Variants in ARID1B observed in about 807,000 individuals in gnomAD.
ARID1B encodes AT-rich interaction domain 1B, also known as AT-rich interactive domain-containing protein 1B.
In ARID1B, 30 loss-of-function variants were observed where a neutral mutation model predicts 212.3. The ratio of observed to expected loss-of-function variants is 0.14; its 90% CI spans 0.11 to 0.19. The LOEUF (loss-of-function observed/expected upper bound fraction) is 0.19. Among genes scored for constraint, ARID1B ranks in the 10% least tolerant of loss-of-function variants. The probability of loss-of-function intolerance (pLI) is 1.00; values close to 1 mark genes in which losing one functional copy is unlikely to be tolerated. For synonymous variants in ARID1B, 1,402 were observed against 1,301.7 expected (o/e 1.08, Z -1.66); for missense variants, 2,891 against 3,204.0 (o/e 0.90, Z 2.36).
chr6:157,033,980 C>G (rs982622708), intron 4 of ARID1B, among the ~76,000 whole-genome samples: 3 of 152,088 alleles, frequency 2.0e-5, no homozygotes, highest in African/African-American at 7.3e-5. Flanking sequence ...TCAAATTTGT[C>G]TCTGTATTTG....
At chr6:156,834,703 G>T in intron 2 of ARID1B, among the ~76,000 whole-genome samples, 1 of 152,158 alleles carries the variant, frequency 6.6e-6, no homozygotes, top group Non-Finnish European at 1.5e-5. Flanking sequence ...GAGCTGATTT[G>T]CTTGTACACC....
At chr6:157,022,280 C>G (rs1780362574) in intron 4 of ARID1B, 1 of 152,258 alleles carries the variant, frequency 6.6e-6, no homozygotes, top group Non-Finnish European at 1.5e-5. Flanking sequence ...CACTTGGATT[C>G]TATTTGTGTA....
At chr6:156,969,726 G>C (rs1041116735) in intron 4 of ARID1B, among the ~76,000 whole-genome samples, 1 of 152,052 alleles carries the variant, frequency 6.6e-6, no homozygotes, top group South Asian at 2.1e-4. Context: ...AGCTTTATAT[G>C]GCCAGGGGAA....
intron 7 of ARID1B, among the ~76,000 whole-genome samples, chr6:157,135,078 T>C (rs1277716171): frequency 6.6e-6 from 1 of 152,044 alleles, no homozygotes; most frequent in Non-Finnish European, 1.5e-5. Context: ...AGGAAATTAC[T>C]ATAGAATGGA....
At chr6:156,893,045 C>CTTTTCTTTTTTTTTTTT (rs1554263985) in intron 2 of ARID1B, among the ~76,000 whole-genome samples, 4 of 85,922 alleles carry the variant, frequency 4.7e-5, no homozygotes, top group African/African-American at 1.9e-4. Flanking sequence ...TTTTTTCTTC[C>CTTTTCTTTTTTTTTTTT]TTTTTTTTTT....
chr6:156,779,086 G>C lies in ARID1B; in HGVS notation c.1406G>C (p.Gly469Ala). ...GGMMMGPGGG[G>A]AASLSKAAAG... ...ATGATGATGGGCCCCGGGGGCGGCGGGGCCGCGAGCCTCAGCAAGGCGGCC... is the reference window on the plus strand; with the variant it reads ...ATGATGATGGGCCCCGGGGGCGGCGCGGCCGCGAGCCTCAGCAAGGCGGCC... The change falls in exon 1 of 20, where the codon GGG (glycine) becomes GCG (alanine). Residue 469 changes from glycine (G) to alanine (A), a missense_variant. Physicochemically the swap from Gly to Ala is moderately conservative, Grantham distance 60 (BLOSUM62 0). This residue lies in a region of ARID1B where 1,643 missense variants were observed against 1,544.0 expected (regional missense o/e 1.06). Transcript: ENST00000636930. 8.2e-7 allele frequency: 1 copy of C among 1,226,100 alleles called. No individual in the cohort carries two copies. Among genetic ancestry groups the C allele is most frequent in the Non-Finnish European group, 1.0e-6 (1 of 985,478 alleles). The allele number at this position is 1,226,100 out of a possible 1,614,324, so 76.0% of individuals were successfully genotyped here.
intron 4 of ARID1B, among the ~76,000 whole-genome samples, chr6:157,069,036 C>A (rs1783853249): frequency 6.6e-6 from 1 of 152,150 alleles, no homozygotes; most frequent in African/African-American, 2.4e-5. Context: ...AAGGGTTTCT[C>A]TTCTGAGTGA....
At chr6:157,188,700 A>AT (rs1793149492) in intron 13 of ARID1B, among the ~76,000 whole-genome samples, 1 of 152,214 alleles carries the variant, frequency 6.6e-6, no homozygotes, top group Non-Finnish European at 1.5e-5. Flanking sequence ...CCACTGGTGT[A>AT]TGTGAGCATA....
At chr6:157,039,100 G>A (rs1321970903) in intron 4 of ARID1B, among the ~76,000 whole-genome samples, 3 of 151,788 alleles carry the variant, frequency 2.0e-5, no homozygotes, top group Non-Finnish European at 4.4e-5. Flanking sequence ...TGAACTCCTC[G>A]CCTCAAGTGA....
intron 2 of ARID1B, among the ~76,000 whole-genome samples, chr6:156,861,474 G>GGTGGCTAGCCT (rs1785328648): frequency 6.6e-6 from 1 of 152,138 alleles, no homozygotes; most frequent in South Asian, 2.1e-4. Context: ...AGCCAGGCAT[G>GGTGGCTAGCCT]GTGGTGCTAG....
In ARID1B at chr6:156,861,116, T is replaced by C. The variant is rs144280341; in HGVS notation, c.1986+31695T>C. Among the ~76,000 whole-genome samples the C allele has an allele frequency of 3.9e-3, 587 of 152,212 alleles. 2 individuals carry two copies. Among genetic ancestry groups the C allele is most frequent in the Non-Finnish European group, 6.3e-3 (425 of 67,996 alleles). On this transcript the variant is annotated intron_variant, in intron 2 of 19. Coordinates refer to ENST00000636930, the MANE Select transcript of ARID1B (RefSeq NM_001374828.1). ...GTATGAAAGGTAGACAGAGGAGCCT[T>C]TGCAGGAAGGATAGGTGACATTTGA...
At chr6:156,997,501 C>T (rs1778662350) in intron 4 of ARID1B, among the ~76,000 whole-genome samples, 2 of 152,226 alleles carry the variant, frequency 1.3e-5, no homozygotes, top group South Asian at 2.1e-4. Flanking sequence ...GATGTTTTCT[C>T]TTATTATCTT....
At chr6:157,202,018 G>A (rs997684728) in intron 18 of ARID1B, among the ~76,000 whole-genome samples, 1 of 152,214 alleles carries the variant, frequency 6.6e-6, no homozygotes, top group Admixed American at 6.5e-5. Context: ...GTAATTTGGT[G>A]ACAACATACA....
At position 156,778,644 on chromosome 6, in the gene ARID1B, C is replaced by T. The variant is rs1778878241; in HGVS notation, c.964C>T (p.Pro322Ser). 5 of 1,476,610 alleles carry T rather than the reference C, an allele frequency of 3.4e-6. No individual in the cohort carries two copies. In the East Asian group the frequency reaches 8.7e-5, roughly 26 times the overall value. The allele number at this position is 1,476,610 out of a possible 1,614,324, so 91.5% of individuals were successfully genotyped here. ...TAATAATTACTATGGCAGCGCTGCC[C>T]CTGCGAGCGGCGGCCCCGGCGGCCG... Reference protein sequence around the residue: ...EFNNYYGSAAPASGGPGGRAG... With the variant: ...EFNNYYGSAASASGGPGGRAG... Residue 322 changes from proline to serine, a missense_variant, in exon 1 of 20, where the codon CCT (proline) becomes TCT (serine). Pro to Ser is a moderately conservative substitution (Grantham distance 74). This residue lies in a region of ARID1B where 1,643 missense variants were observed against 1,544.0 expected (regional missense o/e 1.06). Coordinates refer to ENST00000636930, the MANE Select transcript of ARID1B (RefSeq NM_001374828.1).
At chr6:156,990,722 C>T (rs1778230101) in intron 4 of ARID1B, among the ~76,000 whole-genome samples, 1 of 152,238 alleles carries the variant, frequency 6.6e-6, no homozygotes. Flanking sequence ...AAACTCCTGG[C>T]CTCAAGCCAT....
Position 157,196,331 on chromosome 6 carries a change from G to C in ARID1B, c.4382+16G>C, listed in dbSNP as rs1793725141. 1 of 1,583,336 alleles carries C rather than the reference G, an allele frequency of 6.3e-7. No individual in the cohort carries two copies. The highest frequency in any genetic ancestry group is 8.5e-7 in the Non-Finnish European group (1 of 1,171,780). Reference sequence around the variant, plus strand: ...ACGACCGAAGGTGAGTATTTTTTAAGATGACAATATGATGATTTACTAGAA... The same window carrying C: ...ACGACCGAAGGTGAGTATTTTTTAACATGACAATATGATGATTTACTAGAA... On this transcript the variant is annotated intron_variant, in intron 16 of 19. Transcript: ENST00000636930.
intron 4 of ARID1B, among the ~76,000 whole-genome samples, chr6:157,075,903 C>T (rs866007910): frequency 3.9e-5 from 6 of 152,242 alleles, no homozygotes; most frequent in Middle Eastern, 3.4e-3. Context: ...TAAGGAGACA[C>T]GGCGAGTCAT....
chr6:156,948,419 T>A (rs1583011176), intron 4 of ARID1B, among the ~76,000 whole-genome samples: 1 of 150,708 alleles, frequency 6.6e-6, no homozygotes, highest in Non-Finnish European at 1.5e-5. Flanking sequence ...CAGTGGGTGG[T>A]GGGGGTGGAG....
At chr6:156,952,377 T>TTGAATAC (rs1455696449) in intron 4 of ARID1B, among the ~76,000 whole-genome samples, 27 of 152,378 alleles carry the variant, frequency 1.8e-4, no homozygotes, top group Admixed American at 1.8e-3. Context: ...CTTACTGACT[T>TTGAATAC]TGAATACGTT....
Sources: allele counts gnomAD v4.1 joint callset (sites outside exome capture counted in the v4.1 genomes callset), GRCh38; gene constraint gnomAD v4.1.1; regional missense constraint gnomAD v4.1.1; transcripts MANE v1.5; gene names NCBI Gene and HGNC (gene_info 2026-07-23, HGNC 2026-07-21).